Variants in LRRTM4 observed in about 807,000 individuals in gnomAD.
The protein encoded by LRRTM4 is leucine-rich repeat transmembrane neuronal protein 4.
In LRRTM4, 25 loss-of-function variants were observed where a neutral mutation model predicts 47.6. The ratio of observed to expected loss-of-function variants is 0.53; its 90% CI spans 0.38 to 0.73. The LOEUF (loss-of-function observed/expected upper bound fraction) is 0.73, where lower values mean the gene tolerates loss of function less well. Ranked by LOEUF, LRRTM4 falls within the 30% of genes least tolerant of loss-of-function variation. The probability of loss-of-function intolerance (pLI) is 0.00; values close to 1 mark genes in which losing one functional copy is unlikely to be tolerated. For missense variants in LRRTM4, 638 were observed against 713.4 expected, an observed-to-expected ratio of 0.89 and a Z score of 1.20; for synonymous variants, 311 against 269.5, an observed-to-expected ratio of 1.15 and a Z score of -1.51.
intron 3 of LRRTM4, among the ~76,000 whole-genome samples, chr2:77,440,601 T>A (rs1181432591): frequency 1.3e-5 from 2 of 152,220 alleles, no homozygotes; most frequent in African/African-American, 4.8e-5. Flanking sequence ...CTCAGTAGCT[T>A]CTGACTTGAA....
chr2:76,827,033 G>A (rs1375384091), intron 3 of LRRTM4, among the ~76,000 whole-genome samples: 1 of 151,856 alleles, frequency 6.6e-6, no homozygotes, highest in Admixed American at 6.6e-5. Context: ...ATGTGCTGAT[G>A]TAATGGACTT....
At position 77,480,785 on chromosome 2, in the gene LRRTM4, A is replaced by T. The variant is rs868372007; in HGVS notation, c.1551+37533T>A. 2.9e-3 allele frequency among the ~76,000 whole-genome samples: 298 copies of T among 102,198 alleles called. 18 individuals carry two copies. The highest frequency in any genetic ancestry group is 7.2e-3 in the South Asian group (18 of 2,508). The allele number at this position is 102,198 out of a possible 152,430, so 67.0% of individuals were successfully genotyped here. ...ACTTGCTATGTGTGGCTGTTTTAGGAGTGTGTGTGTGTGTGTGTGTGTGTG... is the reference window on the plus strand; with the variant it reads ...ACTTGCTATGTGTGGCTGTTTTAGGTGTGTGTGTGTGTGTGTGTGTGTGTG... On this transcript the variant is annotated intron_variant, in intron 3 of 3. Transcript: ENST00000409884.
chr2:76,976,527 T>C (rs1229958431), intron 3 of LRRTM4, among the ~76,000 whole-genome samples: 1 of 151,820 alleles, frequency 6.6e-6, no homozygotes. Context: ...TACACCTCAT[T>C]AGTCTCTCTT....
At chr2:77,411,422 TTC>T (rs1182530329) in intron 3 of LRRTM4, among the ~76,000 whole-genome samples, 102 of 94,294 alleles carry the variant, frequency 1.1e-3, no homozygotes, top group African/African-American at 2.7e-3. Context: ...TCTTTCTTGT[TTC>T]TCTCTCTCTC....
At chr2:77,201,125 T>C (rs193118518) in intron 3 of LRRTM4, among the ~76,000 whole-genome samples, 10 of 152,016 alleles carry the variant, frequency 6.6e-5, no homozygotes, top group African/African-American at 9.6e-5. Context: ...AGTTAAAAAA[T>C]AGGAAATATT....
intron 3 of LRRTM4, among the ~76,000 whole-genome samples, chr2:77,420,923 A>G (rs1363149143): frequency 6.7e-6 from 1 of 148,452 alleles, no homozygotes; most frequent in African/African-American, 2.5e-5. Flanking sequence ...CACCTCAAAC[A>G]TCCAGATTAT....
intron 3 of LRRTM4, among the ~76,000 whole-genome samples, chr2:76,761,443 C>T (rs1673251291): frequency 6.6e-6 from 1 of 152,068 alleles, no homozygotes; most frequent in Non-Finnish European, 1.5e-5. Flanking sequence ...AAGTTAGGTG[C>T]AATTCAGTTG....
At chr2:77,129,130 T>A (rs993584640) in intron 3 of LRRTM4, among the ~76,000 whole-genome samples, 9 of 152,204 alleles carry the variant, frequency 5.9e-5, no homozygotes, top group African/African-American at 1.9e-4. Flanking sequence ...AATCTTTATA[T>A]GAACATGGTA....
chr2:76,854,148 T>C (rs1306909856), intron 3 of LRRTM4, among the ~76,000 whole-genome samples: 1 of 152,152 alleles, frequency 6.6e-6, no homozygotes, highest in Non-Finnish European at 1.5e-5. Context: ...TACGAGAAGA[T>C]GAACTATGAT....
At chr2:76,938,164 TTTTA>T (rs1326141697) in intron 3 of LRRTM4, among the ~76,000 whole-genome samples, 2 of 152,130 alleles carry the variant, frequency 1.3e-5, no homozygotes, top group African/African-American at 2.4e-5. Flanking sequence ...TTTTAAAAGC[TTTTA>T]TTTTTCTCCT....
intron 3 of LRRTM4, among the ~76,000 whole-genome samples, chr2:77,428,459 C>A (rs1016256710): frequency 1.3e-5 from 2 of 152,158 alleles, no homozygotes; most frequent in Non-Finnish European, 2.9e-5. Context: ...TTTGGCCTGG[C>A]AAAACTTTCA....
At chr2:77,127,157 G>A (rs555353588) in intron 3 of LRRTM4, among the ~76,000 whole-genome samples, 4 of 151,892 alleles carry the variant, frequency 2.6e-5, no homozygotes, top group Non-Finnish European at 4.4e-5. Context: ...CAGTTTAGAT[G>A]TCACTTACTC....
intron 3 of LRRTM4, among the ~76,000 whole-genome samples, chr2:77,479,686 C>A (rs1377114938): frequency 6.6e-6 from 1 of 152,106 alleles, no homozygotes; most frequent in Non-Finnish European, 1.5e-5. Flanking sequence ...CCTTCTCTCT[C>A]TCTCTCTTTT....
At chr2:76,953,808 T>C (rs1360667500) in intron 3 of LRRTM4, among the ~76,000 whole-genome samples, 3 of 151,950 alleles carry the variant, frequency 2.0e-5, no homozygotes, top group Non-Finnish European at 1.5e-5. Flanking sequence ...AGGTACTGAT[T>C]ACTGTCTTAT....
intron 3 of LRRTM4, among the ~76,000 whole-genome samples, chr2:77,112,297 C>A (rs1671272405): frequency 6.6e-6 from 1 of 152,204 alleles, no homozygotes; most frequent in Non-Finnish European, 1.5e-5. Context: ...GGAATTTAAA[C>A]TGGCTCTTTA....
At chr2:76,871,526 TC>T (rs1464382179) in intron 3 of LRRTM4, among the ~76,000 whole-genome samples, 2 of 152,160 alleles carry the variant, frequency 1.3e-5, no homozygotes, top group African/African-American at 4.8e-5. Flanking sequence ...AACCTATGCA[TC>T]CCAAGCATAT....
intron 3 of LRRTM4, among the ~76,000 whole-genome samples, chr2:76,782,258 C>G (rs955073803): frequency 6.6e-6 from 1 of 152,108 alleles, no homozygotes; most frequent in African/African-American, 2.4e-5. Flanking sequence ...TACAGTGGTC[C>G]TTACACTGGA....
At chr2:77,161,635 C>T (rs945279104) in intron 3 of LRRTM4, among the ~76,000 whole-genome samples, 2 of 151,946 alleles carry the variant, frequency 1.3e-5, no homozygotes, top group Non-Finnish European at 2.9e-5. Context: ...AAAAAAATTT[C>T]CAATATATTG....
Position 77,080,305 on chromosome 2 carries a change from C to T in LRRTM4, c.1552-331389G>A, listed in dbSNP as rs183073341. On this transcript the variant is annotated intron_variant, in intron 3 of 3. Coordinates refer to ENST00000409884, the MANE Select transcript of LRRTM4 (RefSeq NM_001134745.3). ...TGACCTTTATTCTTCTCTTCAGCCT[C>T]ATGTTAACTGTCAGTTTCCTTTGAG... 1.3e-4 allele frequency among the ~76,000 whole-genome samples: 20 copies of T among 152,272 alleles called. No homozygotes were observed. The East Asian group carries it at 3.1e-3, about 24-fold the overall frequency.
Sources: gnomAD v4.1 joint callset for allele counts (sites outside exome capture counted in the v4.1 genomes callset) on GRCh38, gnomAD v4.1.1 for gene constraint, MANE v1.5 for transcripts, NCBI Gene and HGNC (gene_info 2026-07-23, HGNC 2026-07-21) for gene names.